Variants in GNAQ observed in about 807,000 individuals in gnomAD.
The protein encoded by GNAQ is guanine nucleotide-binding protein G(q) subunit alpha.
A neutral mutation model predicts 43.9 loss-of-function variants in GNAQ; 8 were observed. The ratio of observed to expected loss-of-function variants is 0.18; its 90% CI spans 0.11 to 0.33. The LOEUF (loss-of-function observed/expected upper bound fraction) is 0.33. Ranked by LOEUF, GNAQ falls within the 10% of genes least tolerant of loss-of-function variation. The probability of loss-of-function intolerance (pLI) is 1.00; values close to 1 mark genes in which losing one functional copy is unlikely to be tolerated. For missense variants in GNAQ, 158 were observed against 450.8 expected, an observed-to-expected ratio of 0.35 and a Z score of 5.88; for synonymous variants, 155 against 170.7, an observed-to-expected ratio of 0.91 and a Z score of 0.71.
At chr9:78,014,572 C>T (rs934280251) in intron 1 of GNAQ, among the ~76,000 whole-genome samples, 2 of 152,144 alleles carry the variant, frequency 1.3e-5, no homozygotes, top group Admixed American at 1.3e-4. Flanking sequence ...CGCCACTGCA[C>T]TCCAGCCTGG....
At chr9:77,756,774 G>C (rs750236280) in intron 5 of GNAQ, among the ~76,000 whole-genome samples, 2 of 152,154 alleles carry the variant, frequency 1.3e-5, no homozygotes, top group African/African-American at 2.4e-5. Flanking sequence ...AGAAGGATAT[G>C]GTAGCCTCAT....
chr9:77,810,809 G>A (rs1302318724), intron 3 of GNAQ, among the ~76,000 whole-genome samples: 1 of 152,178 alleles, frequency 6.6e-6, no homozygotes, highest in East Asian at 1.9e-4. Context: ...GAGAGGCACT[G>A]TAGTAAATGT....
In GNAQ at chr9:77,720,629, T is replaced by C. The variant is rs1470811616; in HGVS notation, c.*694A>G. Reference sequence around the variant, plus strand: ...CATATTTCTCTGAGCAATCAAGCTATGGCTGAAGGTAAACATCTAAAAGAA... The same window carrying C: ...CATATTTCTCTGAGCAATCAAGCTACGGCTGAAGGTAAACATCTAAAAGAA... On this transcript the variant is annotated 3_prime_UTR_variant, in exon 7 of 7. Coordinates refer to ENST00000286548, the MANE Select transcript of GNAQ (RefSeq NM_002072.5). 1 of 233,168 alleles carries C rather than the reference T, an allele frequency of 4.3e-6. No homozygotes were observed. Among genetic ancestry groups the C allele is most frequent in the African/African-American group, 2.2e-5 (1 of 45,342 alleles). The allele number at this position is 233,168 out of a possible 1,614,324, so 14.4% of individuals were successfully genotyped here. A position where few individuals can be genotyped will look rare whatever the true frequency, so the allele number is the denominator to read the frequency against.
chr9:77,924,816 G>C (rs1319176571), intron 1 of GNAQ, among the ~76,000 whole-genome samples: 1 of 152,032 alleles, frequency 6.6e-6, no homozygotes, highest in East Asian at 1.9e-4. Context: ...TTTCCTGTTG[G>C]CCAGAAACAC....
At chr9:78,000,288 ACATC>A (rs1481860258) in intron 1 of GNAQ, among the ~76,000 whole-genome samples, 1 of 152,204 alleles carries the variant, frequency 6.6e-6, no homozygotes, top group African/African-American at 2.4e-5. Flanking sequence ...CTGAAGAAAC[ACATC>A]AGTCCTCTGG....
chr9:78,016,400 A>C (rs1325412649), intron 1 of GNAQ, among the ~76,000 whole-genome samples: 1 of 152,156 alleles, frequency 6.6e-6, no homozygotes, highest in East Asian at 1.9e-4. Flanking sequence ...AAATATATAA[A>C]TTAGGCCAGG....
intron 2 of GNAQ, among the ~76,000 whole-genome samples, chr9:77,904,223 T>C (rs1828664479): frequency 6.6e-6 from 1 of 151,988 alleles, no homozygotes; most frequent in African/African-American, 2.4e-5. Flanking sequence ...CTTACACTTT[T>C]AGTTTAGCAA....
intron 2 of GNAQ, among the ~76,000 whole-genome samples, chr9:77,825,503 C>T (rs1827180242): frequency 6.6e-6 from 1 of 152,162 alleles, no homozygotes; most frequent in African/African-American, 2.4e-5. Flanking sequence ...TGCTTCTCCA[C>T]CATCTTTCAG....
intron 1 of GNAQ, among the ~76,000 whole-genome samples, chr9:77,930,926 G>A (rs1346657868): frequency 6.6e-6 from 1 of 152,028 alleles, no homozygotes; most frequent in Non-Finnish European, 1.5e-5. Context: ...ATGCCCTCCT[G>A]TGCATTAGAT....
At chr9:77,941,056 C>A (rs1829309783) in intron 1 of GNAQ, among the ~76,000 whole-genome samples, 1 of 152,058 alleles carries the variant, frequency 6.6e-6, no homozygotes, top group African/African-American at 2.4e-5. Context: ...AATAATTTAG[C>A]TTCACAAGTA....
intron 1 of GNAQ, among the ~76,000 whole-genome samples, chr9:77,951,289 G>T (rs1322532533): frequency 6.6e-6 from 1 of 151,768 alleles, no homozygotes; most frequent in Non-Finnish European, 1.5e-5. Context: ...GTAGAGACGG[G>T]GTTTCTCCAT....
chr9:77,854,415 A>G (rs904689431), intron 2 of GNAQ, among the ~76,000 whole-genome samples: 1 of 152,226 alleles, frequency 6.6e-6, no homozygotes, highest in Non-Finnish European at 1.5e-5. Flanking sequence ...AAAAGGAAGG[A>G]AAACAGGAAA....
At chr9:77,816,942 A>G (rs990843747) in intron 2 of GNAQ, among the ~76,000 whole-genome samples, 1 of 152,210 alleles carries the variant, frequency 6.6e-6, no homozygotes, top group Non-Finnish European at 1.5e-5. Flanking sequence ...TCAACACACT[A>G]AGACTGAAGA....
At chr9:77,841,554 C>G (rs564452055) in intron 2 of GNAQ, among the ~76,000 whole-genome samples, 2 of 152,108 alleles carry the variant, frequency 1.3e-5, no homozygotes, top group Non-Finnish European at 2.9e-5. Context: ...GTTCTTCTTC[C>G]CCCTTTGCCT....
In GNAQ at chr9:78,031,400, AGGGCCGGGGCCACCAGGT is replaced by A. The variant is rs1824058505; in HGVS notation, c.-183_-166del. ...GGGAACCGCCGCGGGGGCGGCGGCC[AGGGCCGGGGCCACCAGGT>A]GGGCCGGGGGCGCGGTGGGAGCGGA... On this transcript the variant is annotated 5_prime_UTR_variant, in exon 1 of 7. Transcript: ENST00000286548. The A allele has an allele frequency of 3.6e-6, 1 of 277,928 alleles. No homozygotes were observed. Among genetic ancestry groups the A allele is most frequent in the South Asian group, 1.6e-4 (1 of 6,196 alleles). 17.2% of individuals were successfully genotyped at this position (277,928 alleles called of 1,614,324 possible). A position where few individuals can be genotyped will look rare whatever the true frequency, so the allele number is the denominator to read the frequency against.
chr9:77,788,638 A>G (rs1826521128), intron 5 of GNAQ, among the ~76,000 whole-genome samples: 1 of 152,220 alleles, frequency 6.6e-6, no homozygotes, highest in Admixed American at 6.5e-5. Flanking sequence ...GAAAATTGGA[A>G]GCAGGTAGGT....
At chr9:77,969,370 A>G (rs1433629466) in intron 1 of GNAQ, among the ~76,000 whole-genome samples, 2 of 152,206 alleles carry the variant, frequency 1.3e-5, no homozygotes, top group African/African-American at 4.8e-5. Flanking sequence ...GCAATCATCA[A>G]AGTTTCCAAT....
chr9:77,925,336 AT>A (rs1245898439), intron 1 of GNAQ, among the ~76,000 whole-genome samples: 2 of 152,162 alleles, frequency 1.3e-5, no homozygotes, highest in African/African-American at 4.8e-5. Context: ...AGTGTTTTCT[AT>A]TCAGTAACTC....
chr9:77,754,803 G>A (rs1193949331), intron 5 of GNAQ, among the ~76,000 whole-genome samples: 2 of 152,144 alleles, frequency 1.3e-5, no homozygotes, highest in Non-Finnish European at 2.9e-5. Context: ...AGCCACTATG[G>A]AGATATAACC....
Sources: gnomAD v4.1 joint callset for allele counts (sites outside exome capture counted in the v4.1 genomes callset) on GRCh38, gnomAD v4.1.1 for gene constraint, MANE v1.5 for transcripts, NCBI Gene and HGNC (gene_info 2026-07-23, HGNC 2026-07-21) for gene names.